Variants in GRIN2A observed in about 807,000 individuals in gnomAD.
The protein encoded by GRIN2A is glutamate ionotropic receptor NMDA type subunit 2A.
GRIN2A carries 22 observed loss-of-function variants against 113.4 expected under a neutral mutation model. That is an observed-to-expected ratio of 0.19 (90% CI 0.14 to 0.28). The LOEUF is 0.28. Ranked by LOEUF, GRIN2A falls within the 10% of genes least tolerant of loss-of-function variation. GRIN2A has a pLI of 1.00. For missense variants in GRIN2A, 1,502 were observed against 1,887.0 expected (o/e 0.80, Z 3.78); for synonymous variants, 827 against 738.4 (o/e 1.12, Z -1.94).
At position 9,764,965 on chromosome 16, in the gene GRIN2A, T is replaced by G. The variant is rs1207349203; in HGVS notation, c.2596-17A>C. On this transcript the variant is annotated splice_polypyrimidine_tract_variant and intron_variant, in intron 12 of 12. Transcript: ENST00000330684. ...GTAGATGCCCTGTAGGGGAGCAACA[T>G]AAAGCACTGTCAGCAGCAGCAGCAG... 2 of 1,613,726 alleles carry G rather than the reference T, an allele frequency of 1.2e-6. No individual in the cohort carries two copies. Among genetic ancestry groups the G allele is most frequent in the Admixed American group, 3.3e-5 (2 of 60,014 alleles).
At chr16:10,005,540 TG>T (rs974940122) in intron 2 of GRIN2A, among the ~76,000 whole-genome samples, 3 of 152,132 alleles carry the variant, frequency 2.0e-5, no homozygotes, top group Non-Finnish European at 4.4e-5. Flanking sequence ...AGAGGTAAAC[TG>T]GGGGGGTCCA....
intron 2 of GRIN2A, among the ~76,000 whole-genome samples, chr16:9,988,268 G>GGTGTGTGT (rs71157798): frequency 3.3e-5 from 4 of 121,768 alleles, no homozygotes; most frequent in East Asian, 4.9e-4. Flanking sequence ...GATCCATAGG[G>GGTGTGTGT]GTGTGTGTGT....
At chr16:10,048,450 A>T (rs956429951) in intron 2 of GRIN2A, among the ~76,000 whole-genome samples, 3 of 152,204 alleles carry the variant, frequency 2.0e-5, no homozygotes, top group Admixed American at 6.5e-5. Context: ...AGCAAAAAGA[A>T]AACTTCTATT....
At chr16:10,050,884 C>T (rs2047347269) in intron 2 of GRIN2A, among the ~76,000 whole-genome samples, 1 of 152,038 alleles carries the variant, frequency 6.6e-6, no homozygotes, top group Non-Finnish European at 1.5e-5. Flanking sequence ...CCCAGTGAAA[C>T]CCATTTTGGA....
At chr16:9,905,689 A>G (rs1023980900) in intron 3 of GRIN2A, among the ~76,000 whole-genome samples, 3 of 152,152 alleles carry the variant, frequency 2.0e-5, no homozygotes, top group Admixed American at 1.3e-4. Flanking sequence ...CGGATCTTCG[A>G]AAAAGTCCTC....
intron 2 of GRIN2A, among the ~76,000 whole-genome samples, chr16:10,163,138 G>C (rs1191443671): frequency 6.6e-6 from 1 of 152,144 alleles, no homozygotes; most frequent in Non-Finnish European, 1.5e-5. Flanking sequence ...AATTGTTTGG[G>C]AATCTCTTGC....
chr16:10,072,278 T>C (rs1665159253), intron 2 of GRIN2A, among the ~76,000 whole-genome samples: 1 of 152,234 alleles, frequency 6.6e-6, no homozygotes, highest in African/African-American at 2.4e-5. Flanking sequence ...ACCTTCCATT[T>C]GCAGCATGAG....
intron 2 of GRIN2A, among the ~76,000 whole-genome samples, chr16:10,066,771 G>C (rs754353035): frequency 5.3e-5 from 8 of 152,112 alleles, no homozygotes; most frequent in African/African-American, 1.4e-4. Flanking sequence ...AGGCCAGCAT[G>C]GTGCCCAGCT....
intron 3 of GRIN2A, among the ~76,000 whole-genome samples, chr16:9,933,910 C>A (rs13331197): frequency 0.012 from 1,903 of 152,242 alleles, 41 homozygotes; most frequent in African/African-American, 0.044. Flanking sequence ...CATTTTTGTA[C>A]GTTAGACAGA....
intron 2 of GRIN2A, among the ~76,000 whole-genome samples, chr16:10,056,822 C>T (rs1016595356): frequency 1.3e-5 from 2 of 152,082 alleles, no homozygotes; most frequent in Admixed American, 6.5e-5. Context: ...AACAGTAATG[C>T]CAGAACCTTG....
chr16:10,174,629 A>T (rs2050108092), intron 2 of GRIN2A, among the ~76,000 whole-genome samples: 1 of 152,350 alleles, frequency 6.6e-6, no homozygotes, highest in South Asian at 2.1e-4. Context: ...ACACAAAAAA[A>T]CAGGGAGGTG....
chr16:9,907,676 T>A (rs1246528864), intron 3 of GRIN2A, among the ~76,000 whole-genome samples: 1 of 151,988 alleles, frequency 6.6e-6, no homozygotes, highest in Non-Finnish European at 1.5e-5. Context: ...AAATCACAAG[T>A]CTCATTTAAA....
At chr16:10,093,623 A>AAG (rs1268831911) in intron 2 of GRIN2A, among the ~76,000 whole-genome samples, 1 of 151,882 alleles carries the variant, frequency 6.6e-6, no homozygotes, top group Non-Finnish European at 1.5e-5. Flanking sequence ...AAAGTGAAAA[A>AAG]AAAAAACAAA....
In GRIN2A at chr16:10,122,606, C is replaced by A. The variant is rs1034391592; in HGVS notation, c.414+57392G>T. Among the ~76,000 whole-genome samples the A allele has an allele frequency of 5.8e-4, 88 of 151,884 alleles. 2 individuals are homozygous for A. The highest frequency in any genetic ancestry group is 1.6e-4 in the Non-Finnish European group (11 of 67,942). On this transcript the variant is annotated intron_variant, in intron 2 of 12. Transcript: ENST00000330684. ...AAAGGCTCTTTTTGTCCCCCACCCCCCCAAAAAATGGGGAGCATTAAAATT... is the reference window on the plus strand; with the variant it reads ...AAAGGCTCTTTTTGTCCCCCACCCCACCAAAAAATGGGGAGCATTAAAATT...
chr16:10,169,119 C>A (rs76190171), intron 2 of GRIN2A, among the ~76,000 whole-genome samples: 3,075 of 152,078 alleles, frequency 0.02, 58 homozygotes, highest in Non-Finnish European at 0.03. Context: ...TCCCATATCC[C>A]CTCTGAGATT....
At chr16:10,068,404 C>T (rs1567275197) in intron 2 of GRIN2A, among the ~76,000 whole-genome samples, 1 of 152,176 alleles carries the variant, frequency 6.6e-6, no homozygotes. Flanking sequence ...AGGAAGCTTA[C>T]AGTCATGGTG....
chr16:10,069,548 G>A (rs1377062377), intron 2 of GRIN2A, among the ~76,000 whole-genome samples: 2 of 152,232 alleles, frequency 1.3e-5, no homozygotes, highest in Non-Finnish European at 1.5e-5. Flanking sequence ...AACCCAGGCA[G>A]TGCAGCTGCA....
chr16:9,792,079 T>TTG (rs71400495), intron 11 of GRIN2A, among the ~76,000 whole-genome samples: 2,642 of 112,276 alleles, frequency 0.024, 27 homozygotes, highest in East Asian at 0.038. Context: ...TGAAGTAAAA[T>TTG]TGTGTGTGTG....
At chr16:10,169,220 T>C (rs1259775980) in intron 2 of GRIN2A, among the ~76,000 whole-genome samples, 9 of 152,178 alleles carry the variant, frequency 5.9e-5, no homozygotes, top group Admixed American at 2.0e-4. Context: ...AGGCCCTTTT[T>C]CTGCATGCAT....
Sources: allele counts gnomAD v4.1 joint callset (sites outside exome capture counted in the v4.1 genomes callset), GRCh38; gene constraint gnomAD v4.1.1; transcripts MANE v1.5; gene names NCBI Gene and HGNC (gene_info 2026-07-23, HGNC 2026-07-21).